The following AKIRIN2 variants were observed in gnomAD, a reference collection of about 807,000 sequenced individuals.
AKIRIN2 encodes akirin-2.
In AKIRIN2, 6 loss-of-function variants were observed where a neutral mutation model predicts 29.3. That is an observed-to-expected ratio of 0.20 (90% CI 0.11 to 0.40). The LOEUF is 0.40. Ranked by LOEUF, AKIRIN2 falls within the 10% of genes least tolerant of loss-of-function variation. The pLI, the probability that AKIRIN2 is intolerant of heterozygous loss-of-function variation, is 1.00. For missense variants in AKIRIN2, 210 were observed against 276.1 expected, an observed-to-expected ratio of 0.76 and a Z score of 1.70; for synonymous variants, 128 against 117.5, an observed-to-expected ratio of 1.09 and a Z score of -0.58.
chr6:87,701,641 G>C lies in AKIRIN2; in HGVS notation c.44C>G (p.Pro15Arg), dbSNP rs763519737. Residue 15 changes from proline (P) to arginine (R), a missense_variant, in exon 1 of 5, where the codon CCG becomes CGG. Transcript: ENST00000257787. The part of the protein sequence containing the change: ...ATLKRTLDFD[P>R]LLSPASPKRR... ...CTTCGGGGACGCCGGGCTCAACAGCGGGTCGAAATCCAGAGTCCTTTTCAG... is the reference window on the plus strand; with the variant it reads ...CTTCGGGGACGCCGGGCTCAACAGCCGGTCGAAATCCAGAGTCCTTTTCAG... 5 of 1,468,042 alleles carry C rather than the reference G, an allele frequency of 3.4e-6. No individual in the cohort carries two copies. The highest frequency in any genetic ancestry group is 5.3e-5 in the Admixed American group (2 of 37,928). 90.9% of individuals were successfully genotyped at this position (1,468,042 alleles called of 1,614,324 possible). A position where few individuals can be genotyped will look rare whatever the true frequency, so the allele number is the denominator to read the frequency against.
At chr6:87,698,562 A>C (rs1771407570) in intron 1 of AKIRIN2, among the ~76,000 whole-genome samples, 1 of 152,174 alleles carries the variant, frequency 6.6e-6, no homozygotes, top group Admixed American at 6.5e-5. Context: ...ATACTTTGTC[A>C]ACCATCCCTA....
At chr6:87,692,629 T>C (rs1435577006) in intron 1 of AKIRIN2, among the ~76,000 whole-genome samples, 1 of 151,764 alleles carries the variant, frequency 6.6e-6, no homozygotes, top group African/African-American at 2.4e-5. Flanking sequence ...TTGGCCAACA[T>C]GGCAAAACCC....
intron 1 of AKIRIN2, among the ~76,000 whole-genome samples, chr6:87,696,472 C>T (rs1422722354): frequency 4.6e-5 from 7 of 151,468 alleles, no homozygotes; most frequent in South Asian, 2.1e-4. Context: ...GAGGCTGAGA[C>T]GGGCAGATCA....
At chr6:87,676,995 T>C (rs1441538852) in intron 3 of AKIRIN2, among the ~76,000 whole-genome samples, 1 of 150,160 alleles carries the variant, frequency 6.7e-6, no homozygotes, top group Non-Finnish European at 1.5e-5. Flanking sequence ...GAGAATGGCG[T>C]GAACCCGGAA....
At chr6:87,697,341 G>A (rs1245678627) in intron 1 of AKIRIN2, among the ~76,000 whole-genome samples, 2 of 148,734 alleles carry the variant, frequency 1.3e-5, no homozygotes, top group South Asian at 2.1e-4. Flanking sequence ...TATTAGTAAT[G>A]AATACAACTG....
chr6:87,677,761 G>A, intron 3 of AKIRIN2, 57 bp downstream of exon 3: 1 of 1,555,494 alleles, frequency 6.4e-7, no homozygotes, highest in South Asian at 1.2e-5. Flanking sequence ...AGTACACGTG[G>A]AAAATGCATT....
chr6:87,695,688 G>A (rs1180535426), intron 1 of AKIRIN2, among the ~76,000 whole-genome samples: 2 of 152,168 alleles, frequency 1.3e-5, no homozygotes, highest in African/African-American at 4.8e-5. Flanking sequence ...CCATTATCTA[G>A]TTTCATGAAC....
rs1771277967 is a variant in AKIRIN2, at chr6:87,691,476, C to T, written c.236-9713G>A. On this transcript the variant is annotated intron_variant, in intron 1 of 4. Transcript: ENST00000257787. ...AAAAAAAAAAAAAAAGTCCACATTT[C>T]CCATGGCTGCAACTAAAGAGGAACT... 2.7e-5 allele frequency among the ~76,000 whole-genome samples: 4 copies of T among 146,858 alleles called. No individual in the cohort carries two copies. In the South Asian group the frequency reaches 8.7e-4, roughly 32 times the overall value.
At chr6:87,700,059 T>C (rs1002893146) in intron 1 of AKIRIN2, among the ~76,000 whole-genome samples, 9 of 151,984 alleles carry the variant, frequency 5.9e-5, no homozygotes, top group African/African-American at 1.7e-4. Flanking sequence ...AAGTAAAGCC[T>C]AACAATTAAT....
intron 1 of AKIRIN2, among the ~76,000 whole-genome samples, chr6:87,698,279 T>C (rs891445706): frequency 1.3e-5 from 2 of 151,676 alleles, no homozygotes; most frequent in African/African-American, 2.4e-5. Context: ...ACTTTTTCTG[T>C]AAACACCAGA....
rs536555354 is a variant in AKIRIN2, at chr6:87,678,151, C to T, written c.380-184G>A. On this transcript the variant is annotated intron_variant, in intron 2 of 4. Transcript: ENST00000257787. ...AAATAATAATTCCATCAGCTGGTGA[C>T]GCTGGAAAAACACGGCAAGATGTAA... Among the ~76,000 whole-genome samples, 11 of 152,108 alleles carry T rather than the reference C, an allele frequency of 7.2e-5. 1 individual carries two copies. The South Asian group carries it at 1.0e-3, about 14-fold the overall frequency.
At chr6:87,690,895 T>G (rs1050478361) in intron 1 of AKIRIN2, among the ~76,000 whole-genome samples, 1 of 151,884 alleles carries the variant, frequency 6.6e-6, no homozygotes, top group African/African-American at 2.4e-5. Context: ...ATCACTTGAA[T>G]CCAGGAGATG....
chr6:87,676,466 A>C (rs1455114857), intron 3 of AKIRIN2, among the ~76,000 whole-genome samples: 1 of 144,360 alleles, frequency 6.9e-6, no homozygotes, highest in East Asian at 2.0e-4. Flanking sequence ...AAAAAAAAAA[A>C]AAAAACGAGG....
At position 87,678,488 on chromosome 6, in the gene AKIRIN2, G is replaced by A. The variant is rs1230271534; in HGVS notation, c.380-521C>T. Among the ~76,000 whole-genome samples the A allele has an allele frequency of 7.2e-5, 11 of 152,000 alleles. No individual in the cohort carries two copies. In the East Asian group the frequency reaches 1.9e-3, roughly 27 times the overall value. On this transcript the variant is annotated intron_variant, in intron 2 of 4. Coordinates refer to ENST00000257787, the MANE Select transcript of AKIRIN2 (RefSeq NM_018064.4). ...TTGCACTCCAGCCTGGGCAAAGAGA[G>A]TGAAACTCCATCTCAAAAAAATAAA...
chr6:87,676,029 G>A (rs1180814420), intron 3 of AKIRIN2, 98 bp from the exon 4 acceptor site: 2 of 996,868 alleles, frequency 2.0e-6, no homozygotes, highest in South Asian at 3.0e-5. Context: ...ATTCTAAGTT[G>A]ACAAAATCAC....
chr6:87,693,104 C>T (rs1336316581), intron 1 of AKIRIN2, among the ~76,000 whole-genome samples: 3 of 151,918 alleles, frequency 2.0e-5, no homozygotes, highest in Admixed American at 6.6e-5. Flanking sequence ...TGGTGGGCAC[C>T]TGTGGTCCCA....
At chr6:87,678,468 C>T (rs933346378) in intron 2 of AKIRIN2, among the ~76,000 whole-genome samples, 1 of 152,038 alleles carries the variant, frequency 6.6e-6, no homozygotes, top group African/African-American at 2.4e-5. Context: ...CGCCATTGCA[C>T]TCCAGCCTGG....
At chr6:87,689,071 T>A (rs1771236181) in intron 1 of AKIRIN2, among the ~76,000 whole-genome samples, 1 of 152,156 alleles carries the variant, frequency 6.6e-6, no homozygotes, top group South Asian at 2.1e-4. Context: ...TTAAATATTA[T>A]ATAAGTATAA....
chr6:87,687,724 G>GT (rs1330820043), intron 1 of AKIRIN2, among the ~76,000 whole-genome samples: 3 of 152,198 alleles, frequency 2.0e-5, no homozygotes, highest in African/African-American at 7.2e-5. Context: ...GCAGGTAAAT[G>GT]TAAGTTTTAC....
Sources: allele counts gnomAD v4.1 joint callset (sites outside exome capture counted in the v4.1 genomes callset), GRCh38; gene constraint gnomAD v4.1.1; transcripts MANE v1.5; gene names NCBI Gene and HGNC (gene_info 2026-07-23, HGNC 2026-07-21).